The following RSRC1 variants were observed in gnomAD, a reference collection of about 807,000 sequenced individuals.
The protein encoded by RSRC1 is serine/Arginine-related protein 53.
RSRC1 carries 39 observed loss-of-function variants against 49.1 expected under a neutral mutation model. That is an observed-to-expected ratio of 0.79 (90% CI 0.61 to 1.04). The LOEUF is 1.04. Ranked by LOEUF, RSRC1 falls within the 50% of genes least tolerant of loss-of-function variation. The pLI, the probability that RSRC1 is intolerant of heterozygous loss-of-function variation, is 0.00. For synonymous variants in RSRC1, 143 were observed against 130.8 expected, an observed-to-expected ratio of 1.09 and a Z score of -0.63; for missense variants, 388 against 402.4, an observed-to-expected ratio of 0.96 and a Z score of 0.31.
intron 7 of RSRC1, among the ~76,000 whole-genome samples, chr3:158,487,488 T>C (rs138309971): frequency 2.7e-4 from 41 of 152,294 alleles, no homozygotes; most frequent in African/African-American, 9.6e-4. Flanking sequence ...CTTGATGTTA[T>C]TGTCTATTTG....
chr3:158,456,610 A>C (rs900717494), intron 6 of RSRC1, among the ~76,000 whole-genome samples: 1 of 152,206 alleles, frequency 6.6e-6, no homozygotes, highest in African/African-American at 2.4e-5. Flanking sequence ...CCACTTGGGG[A>C]CAAAGGTTGT....
chr3:158,369,551 C>A (rs922300502), intron 6 of RSRC1, among the ~76,000 whole-genome samples: 8 of 152,026 alleles, frequency 5.3e-5, no homozygotes, highest in Non-Finnish European at 1.2e-4. Context: ...CCTGGGGTTT[C>A]TTTTTTCTTT....
intron 4 of RSRC1, among the ~76,000 whole-genome samples, chr3:158,262,910 T>C (rs1328596281): frequency 1.3e-5 from 2 of 152,142 alleles, no homozygotes; most frequent in Non-Finnish European, 2.9e-5. Context: ...TGCAGTCTCA[T>C]TAAATTCACT....
intron 6 of RSRC1, among the ~76,000 whole-genome samples, chr3:158,362,240 T>C (rs1259268447): frequency 6.6e-6 from 1 of 152,168 alleles, no homozygotes; most frequent in African/African-American, 2.4e-5. Flanking sequence ...CTTGGGAGGC[T>C]GAGGTGGGAC....
At chr3:158,223,852 A>G (rs1722362793) in intron 4 of RSRC1, among the ~76,000 whole-genome samples, 1 of 151,656 alleles carries the variant, frequency 6.6e-6, no homozygotes, top group Non-Finnish European at 1.5e-5. Context: ...TCTGTTTGGA[A>G]TGCCTCCTCC....
intron 3 of RSRC1, among the ~76,000 whole-genome samples, chr3:158,125,325 A>C (rs1157272140): frequency 6.6e-6 from 1 of 151,030 alleles, no homozygotes; most frequent in Non-Finnish European, 1.5e-5. Flanking sequence ...ATGATATGAG[A>C]CTTTTCTTTT....
chr3:158,325,315 C>T (rs1409253630), intron 5 of RSRC1, among the ~76,000 whole-genome samples: 1 of 152,268 alleles, frequency 6.6e-6, no homozygotes, highest in East Asian at 1.9e-4. Context: ...TGCCTAAGTC[C>T]TGAATAGTAT....
intron 5 of RSRC1, among the ~76,000 whole-genome samples, chr3:158,349,119 A>G (rs1002769032): frequency 6.6e-6 from 1 of 151,764 alleles, no homozygotes; most frequent in African/African-American, 2.4e-5. Flanking sequence ...TGGTGGTTCT[A>G]TTTTTATTTC....
chr3:158,490,702 A>G (rs1342009410), intron 7 of RSRC1, among the ~76,000 whole-genome samples: 5 of 152,182 alleles, frequency 3.3e-5, no homozygotes, highest in Non-Finnish European at 7.3e-5. Flanking sequence ...TATGTTGAGA[A>G]CATATGTGAT....
At chr3:158,411,055 T>C (rs998471298) in intron 6 of RSRC1, among the ~76,000 whole-genome samples, 4 of 152,156 alleles carry the variant, frequency 2.6e-5, no homozygotes, top group African/African-American at 9.6e-5. Flanking sequence ...AATCATACAG[T>C]ATGCATTCTC....
intron 5 of RSRC1, among the ~76,000 whole-genome samples, chr3:158,319,057 T>C (rs537116846): frequency 6.6e-6 from 1 of 152,286 alleles, no homozygotes; most frequent in Non-Finnish European, 1.5e-5. Context: ...TTTAACTTAG[T>C]CTTTCCTGAA....
chr3:158,446,030 G>A (rs772839895), intron 6 of RSRC1, among the ~76,000 whole-genome samples: 4 of 151,844 alleles, frequency 2.6e-5, no homozygotes, highest in Admixed American at 2.0e-4. Context: ...GAGATCTACC[G>A]CCCTAAAGTA....
chr3:158,396,259 T>C (rs1733604495), intron 6 of RSRC1, among the ~76,000 whole-genome samples: 1 of 152,020 alleles, frequency 6.6e-6, no homozygotes, highest in African/African-American at 2.4e-5. Context: ...ATCTGGGTGA[T>C]GAGATAATCT....
At chr3:158,413,795 A>G (rs1441912025) in intron 6 of RSRC1, among the ~76,000 whole-genome samples, 2 of 152,216 alleles carry the variant, frequency 1.3e-5, no homozygotes, top group Admixed American at 1.3e-4. Flanking sequence ...ATACCATCTC[A>G]TGCCAATCAA....
intron 6 of RSRC1, among the ~76,000 whole-genome samples, chr3:158,399,728 A>C (rs551448465): frequency 6.6e-6 from 1 of 152,248 alleles, no homozygotes; most frequent in African/African-American, 2.4e-5. Context: ...AGAAAGCCCT[A>C]GTATACATCT....
At chr3:158,160,873 A>G (rs1718174051) in intron 3 of RSRC1, among the ~76,000 whole-genome samples, 2 of 152,192 alleles carry the variant, frequency 1.3e-5, no homozygotes, top group Non-Finnish European at 2.9e-5. Flanking sequence ...TTAACTTTCT[A>G]AGTCTGTATA....
In RSRC1 at chr3:158,246,396, A is replaced by AT. The variant is rs1462002670; in HGVS notation, c.494+43152dup. On this transcript the variant is annotated intron_variant, in intron 4 of 9. Transcript: ENST00000611884. ...CATGTACCTTAAAACTTAAAGTATA[A>AT]TAAAAAAAAAAAGGATAGCATTGTT... 4.1e-5 allele frequency among the ~76,000 whole-genome samples: 4 copies of AT among 96,840 alleles called. No homozygotes were observed. In the South Asian group the frequency reaches 8.7e-4, roughly 21 times the overall value. The allele number at this position is 96,840 out of a possible 152,430, so 63.5% of individuals were successfully genotyped here.
At chr3:158,380,137 A>C (rs1369608745) in intron 6 of RSRC1, among the ~76,000 whole-genome samples, 1 of 152,160 alleles carries the variant, frequency 6.6e-6, no homozygotes. Flanking sequence ...CATATTACTG[A>C]TTCAGAACTG....
At chr3:158,245,387 CTG>C (rs2108002089) in intron 4 of RSRC1, among the ~76,000 whole-genome samples, 1 of 151,940 alleles carries the variant, frequency 6.6e-6, no homozygotes, top group East Asian at 1.9e-4. Context: ...GTCTGAGAGA[CTG>C]TTATGATTTC....
Sources: gnomAD v4.1 joint callset for allele counts (sites outside exome capture counted in the v4.1 genomes callset) on GRCh38, gnomAD v4.1.1 for gene constraint, MANE v1.5 for transcripts, NCBI Gene and HGNC (gene_info 2026-07-23, HGNC 2026-07-21) for gene names.